The following IL1RAPL2 variants were observed in gnomAD, a reference collection of about 807,000 sequenced individuals.
The protein encoded by IL1RAPL2 is X-linked interleukin-1 receptor accessory protein-like 2.
IL1RAPL2 carries 3 observed loss-of-function variants against 44.1 expected under a neutral mutation model. That is an observed-to-expected ratio of 0.07 (90% CI 0.03 to 0.18). The LOEUF is 0.18. IL1RAPL2 is among the 10% of genes least tolerant of loss of function. IL1RAPL2 has a pLI of 1.00. For synonymous variants in IL1RAPL2, 181 were observed against 178.8 expected, an observed-to-expected ratio of 1.01 and a Z score of -0.10; for missense variants, 391 against 496.4, an observed-to-expected ratio of 0.79 and a Z score of 2.02.
At chrX:105,407,023 C>T (rs2035650618) in intron 5 of IL1RAPL2, 1 of 974,586 alleles carries the variant, frequency 1.0e-6, no homozygotes, top group Non-Finnish European at 1.5e-6. Flanking sequence ...GACACCACTA[C>T]ACATGTCACA....
At chrX:105,681,153 C>G (rs988582526) in intron 6 of IL1RAPL2, among the ~76,000 whole-genome samples, 1 of 111,317 alleles carries the variant, frequency 9.0e-6, no homozygotes, top group African/African-American at 3.3e-5. Context: ...AGTTACCTTT[C>G]TAGGTTTAAT....
In IL1RAPL2 at chrX:105,444,787, C is replaced by T. The variant is rs190957146; in HGVS notation, c.698-39526C>T. 1.2e-4 allele frequency among the ~76,000 whole-genome samples: 13 copies of T among 110,729 alleles called. No homozygotes were observed. The East Asian group carries it at 3.4e-3, about 29-fold the overall frequency. On this transcript the variant is annotated intron_variant, in intron 5 of 10. Transcript: ENST00000372582. ...GCCCAGCATGCATTAGCTATTGGTC[C>T]TAATGCTCTCCCACCCTGTTGAGGA... is the stretch of plus-strand genomic sequence containing the variant.
intron 2 of IL1RAPL2, among the ~76,000 whole-genome samples, chrX:105,194,012 C>T (rs1289212049): frequency 4.5e-5 from 5 of 111,206 alleles, no homozygotes; most frequent in African/African-American, 1.6e-4. Flanking sequence ...CCATAAAACC[C>T]TTTGAAAATC....
intron 2 of IL1RAPL2, among the ~76,000 whole-genome samples, chrX:104,758,444 TC>T (rs1932375348): frequency 1.8e-5 from 2 of 110,994 alleles, no homozygotes; most frequent in Admixed American, 1.9e-4. Context: ...AGGATTACCC[TC>T]CCCCTTCTCT....
At chrX:104,877,115 A>G (rs1161368519) in intron 2 of IL1RAPL2, among the ~76,000 whole-genome samples, 26 of 110,782 alleles carry the variant, frequency 2.3e-4, no homozygotes, top group African/African-American at 8.5e-4. Context: ...ACATTTTCTT[A>G]ATCCAGTCTA....
chrX:105,340,641 T>C (rs888072269), intron 5 of IL1RAPL2, among the ~76,000 whole-genome samples: 1 of 111,895 alleles, frequency 8.9e-6, no homozygotes, highest in Non-Finnish European at 1.9e-5. Context: ...TCCACCCTGA[T>C]AACTGCATGC....
At chrX:105,122,603 A>C (rs1423887893) in intron 2 of IL1RAPL2, among the ~76,000 whole-genome samples, 1 of 111,260 alleles carries the variant, frequency 9.0e-6, no homozygotes, top group East Asian at 2.8e-4. Context: ...AATTCAGAGA[A>C]CCTAATTTGC....
At chrX:104,937,026 T>C (rs781691922) in intron 2 of IL1RAPL2, among the ~76,000 whole-genome samples, 44 of 112,032 alleles carry the variant, frequency 3.9e-4, no homozygotes, top group Non-Finnish European at 7.3e-4. Context: ...CTTTTCTCCA[T>C]GTGCTTTCTC....
intron 2 of IL1RAPL2, among the ~76,000 whole-genome samples, chrX:105,030,588 C>T (rs892273869): frequency 9.0e-6 from 1 of 111,564 alleles, no homozygotes; most frequent in African/African-American, 3.3e-5. Flanking sequence ...GGGCTCTGTT[C>T]TGTTCCATTG....
At chrX:104,919,659 G>C (rs1222522486) in intron 2 of IL1RAPL2, among the ~76,000 whole-genome samples, 1 of 103,041 alleles carries the variant, frequency 9.7e-6, no homozygotes, top group Non-Finnish European at 2.0e-5. Context: ...AGCCTCCCGA[G>C]TAGCTGGGAT....
intron 3 of IL1RAPL2, among the ~76,000 whole-genome samples, chrX:105,229,400 C>T (rs187595111): frequency 1.8e-5 from 2 of 112,120 alleles, no homozygotes; most frequent in African/African-American, 6.5e-5. Context: ...CCTCGGTCAT[C>T]CTCAACGACT....
chrX:105,128,283 G>A (rs747219182), intron 2 of IL1RAPL2, among the ~76,000 whole-genome samples: 8 of 110,379 alleles, frequency 7.2e-5, no homozygotes, highest in Non-Finnish European at 1.3e-4. Flanking sequence ...AAATTGGTCT[G>A]TGTTATGACT....
chrX:104,706,192 A>G (rs1195060086), intron 2 of IL1RAPL2, among the ~76,000 whole-genome samples: 2 of 110,897 alleles, frequency 1.8e-5, no homozygotes, highest in Admixed American at 1.9e-4. Context: ...TCACTTGACT[A>G]CTCTATGCCC....
At chrX:104,893,022 T>C (rs1220237146) in intron 2 of IL1RAPL2, among the ~76,000 whole-genome samples, 1 of 111,824 alleles carries the variant, frequency 8.9e-6, no homozygotes, top group Non-Finnish European at 1.9e-5. Flanking sequence ...CAAATAACTT[T>C]ATTTCTGCCT....
At chrX:105,556,812 A>G (rs2036899982) in intron 6 of IL1RAPL2, among the ~76,000 whole-genome samples, 1 of 111,935 alleles carries the variant, frequency 8.9e-6, no homozygotes, top group South Asian at 3.6e-4. Flanking sequence ...GTTCTTTTAT[A>G]GATATCAAAA....
chrX:105,410,640 A>G (rs1278971660), intron 5 of IL1RAPL2, among the ~76,000 whole-genome samples: 1 of 111,604 alleles, frequency 9.0e-6, no homozygotes, highest in Non-Finnish European at 1.9e-5. Context: ...AGAAAAAATA[A>G]ATCAGCCAAG....
At chrX:105,097,056 C>T (rs949449012) in intron 2 of IL1RAPL2, among the ~76,000 whole-genome samples, 18 of 110,623 alleles carry the variant, frequency 1.6e-4, no homozygotes, top group African/African-American at 5.9e-4. Flanking sequence ...TGGCAGGGCA[C>T]AGTGGCTCAT....
At chrX:104,683,792 A>G (rs1356693238) in intron 2 of IL1RAPL2, among the ~76,000 whole-genome samples, 1 of 112,169 alleles carries the variant, frequency 8.9e-6, no homozygotes, top group Non-Finnish European at 1.9e-5. Context: ...AAAGATGTGA[A>G]AATTATGAGC....
intron 2 of IL1RAPL2, among the ~76,000 whole-genome samples, chrX:104,984,081 T>A (rs1159105162): frequency 1.8e-5 from 2 of 111,294 alleles, no homozygotes; most frequent in African/African-American, 6.5e-5. Flanking sequence ...AGTTGTAATG[T>A]TTATTTTATT....
Sources: allele counts gnomAD v4.1 joint callset (sites outside exome capture counted in the v4.1 genomes callset), GRCh38; gene constraint gnomAD v4.1.1; transcripts MANE v1.5; gene names NCBI Gene and HGNC (gene_info 2026-07-23, HGNC 2026-07-21).